The following TMC1 variants were observed in gnomAD, a reference collection of about 807,000 sequenced individuals.
TMC1 encodes transmembrane channel like 1.
TMC1 carries 84 observed loss-of-function variants against 105.8 expected under a neutral mutation model. The ratio of observed to expected loss-of-function variants is 0.79; its 90% CI spans 0.67 to 0.95. TMC1 has a LOEUF of 0.95. Among genes scored for constraint, TMC1 ranks in the 40% least tolerant of loss-of-function variants. TMC1 has a pLI of 0.00. For missense variants in TMC1, 817 were observed against 914.1 expected, an observed-to-expected ratio of 0.89 and a Z score of 1.37; for synonymous variants, 315 against 311.5, an observed-to-expected ratio of 1.01 and a Z score of -0.12.
chr9:72,542,595 A>AG (rs926900863), intron 1 of TMC1, among the ~76,000 whole-genome samples: 67 of 151,198 alleles, frequency 4.4e-4, no homozygotes, highest in Admixed American at 4.1e-3. Context: ...GCTCCAGCCT[A>AG]GGGGGGAGAA....
At chr9:72,550,012 T>G (rs1823834708) in intron 1 of TMC1, among the ~76,000 whole-genome samples, 1 of 151,442 alleles carries the variant, frequency 6.6e-6, no homozygotes, top group Non-Finnish European at 1.5e-5. Flanking sequence ...CTTCCCAAAG[T>G]GCTAGGATTA....
rs757941226 is a variant in TMC1 at position 72,826,967 on chromosome 9, T to A, written c.2102T>A (p.Leu701Gln). 1.2e-6 allele frequency: 2 copies of A among 1,614,120 alleles called. No homozygotes were observed. Among genetic ancestry groups the A allele is most frequent in the Non-Finnish European group, 1.7e-6 (2 of 1,179,946 alleles). Residue 701 changes from leucine (L) to glutamine (Q), a missense_variant, in exon 21 of 24, where the codon CTG (leucine) becomes CAG (glutamine). Physicochemically the swap from Leu to Gln is moderately radical, Grantham distance 113 (BLOSUM62 -2). Coordinates refer to ENST00000297784, the MANE Select transcript of TMC1 (RefSeq NM_138691.3). ...KILRQLSNPG[L>Q]VIAVILVMVL... Reference sequence around the variant, plus strand: ...TTGAGACAGCTTTCAAACCCTGGGCTGGTCATTGCTGTCATTTTGGTGATG... The same window carrying A: ...TTGAGACAGCTTTCAAACCCTGGGCAGGTCATTGCTGTCATTTTGGTGATG...
At chr9:72,818,138 T>G (rs911854605) in intron 19 of TMC1, among the ~76,000 whole-genome samples, 11 of 152,318 alleles carry the variant, frequency 7.2e-5, no homozygotes, top group Non-Finnish European at 1.2e-4. Flanking sequence ...AATCGTTCCA[T>G]TATTTTATGA....
intron 1 of TMC1, among the ~76,000 whole-genome samples, chr9:72,528,691 A>G (rs1823447499): frequency 6.6e-6 from 1 of 152,052 alleles, no homozygotes; most frequent in Non-Finnish European, 1.5e-5. Flanking sequence ...ATCCTCCTGA[A>G]GGTTCTGAAT....
At chr9:72,615,878 T>C (rs1317466825) in intron 2 of TMC1, among the ~76,000 whole-genome samples, 1 of 151,946 alleles carries the variant, frequency 6.6e-6, no homozygotes, top group Non-Finnish European at 1.5e-5. Flanking sequence ...CTTAGCCTCC[T>C]GAGTAGCTGG....
intron 5 of TMC1, among the ~76,000 whole-genome samples, chr9:72,649,222 G>A (rs1825762907): frequency 6.6e-6 from 1 of 152,102 alleles, no homozygotes; most frequent in Non-Finnish European, 1.5e-5. Context: ...CTTGCCATAG[G>A]GTGCATTTTC....
intron 1 of TMC1, among the ~76,000 whole-genome samples, chr9:72,536,680 C>A (rs932046380): frequency 5.3e-5 from 8 of 152,146 alleles, no homozygotes; most frequent in African/African-American, 1.7e-4. Flanking sequence ...ATTCCATATA[C>A]CACATCCTGG....
intron 12 of TMC1, among the ~76,000 whole-genome samples, chr9:72,767,995 A>G (rs1827865663): frequency 6.6e-6 from 1 of 152,204 alleles, no homozygotes; most frequent in Admixed American, 6.5e-5. Flanking sequence ...ATCCCTCAAT[A>G]TGCTACAAAG....
chr9:72,680,285 C>T (rs1018032426), intron 5 of TMC1, among the ~76,000 whole-genome samples: 6 of 151,882 alleles, frequency 4.0e-5, no homozygotes, highest in Non-Finnish European at 7.4e-5. Flanking sequence ...TATTACATGC[C>T]ATATACAAAT....
chr9:72,581,251 A>C (rs1824469433), intron 2 of TMC1, among the ~76,000 whole-genome samples: 1 of 152,192 alleles, frequency 6.6e-6, no homozygotes, highest in African/African-American at 2.4e-5. Context: ...GTTGACAAGG[A>C]AAACTTAATT....
At chr9:72,686,232 A>G (rs139153341) in intron 5 of TMC1, among the ~76,000 whole-genome samples, 1,569 of 152,178 alleles carry the variant, frequency 0.01, 53 homozygotes, top group Admixed American at 0.07. Flanking sequence ...CCAGGAGACA[A>G]GGTTATTTTT....
rs577706420 is a variant in TMC1, at chr9:72,591,689, G to C, written c.-306+13666G>C. Among the ~76,000 whole-genome samples the C allele has an allele frequency of 7.2e-5, 11 of 152,210 alleles. 1 individual carries two copies. In the South Asian group the frequency reaches 1.9e-3, roughly 26 times the overall value. On this transcript the variant is annotated intron_variant, in intron 2 of 23. Transcript: ENST00000297784. ...AGGCTCAAGCAATCCTGCCACTTCA[G>C]CTTCCTGAGTAGCTGGGACTACAGG... is the stretch of plus-strand genomic sequence containing the variant.
chr9:72,805,436 A>T lies in TMC1; in HGVS notation c.1621A>T (p.Ile541Phe). Residue 541 changes from isoleucine (I) to phenylalanine (F), a missense_variant, in exon 18 of 24, where the codon ATT becomes TTT. Physicochemically the swap from Ile to Phe is conservative, Grantham distance 21. Transcript: ENST00000297784. ...TCTGACCACCTACGTCACAATCCTC[A>T]TTGGGGACTTTCTAAGGGCATGTTT... Reference protein sequence around the residue: ...DVLTTYVTILIGDFLRACFVR... With the variant: ...DVLTTYVTILFGDFLRACFVR... 6.2e-7 allele frequency: 1 copy of T among 1,613,382 alleles called. No homozygotes were observed. The highest frequency in any genetic ancestry group is 8.5e-7 in the Non-Finnish European group (1 of 1,179,842).
rs774279174 is a variant in TMC1 at position 72,772,410 on chromosome 9, C to T, written c.742-3C>T. ...GCTAAGTGGCTTTGTTGTTGGATTT[C>T]AGGGTTTGGCACAATATTCCGTTCT... On this transcript the variant is annotated splice_polypyrimidine_tract_variant and splice_region_variant and intron_variant, in intron 12 of 23. Transcript: ENST00000297784. The T allele has an allele frequency of 1.2e-6, 2 of 1,613,708 alleles. No homozygotes were observed. Among genetic ancestry groups the T allele is most frequent in the South Asian group, 2.2e-5 (2 of 91,072 alleles).
chr9:72,751,663 A>G (rs1228542688), intron 10 of TMC1, among the ~76,000 whole-genome samples, 187 bp from the exon 11 acceptor site: 1 of 152,218 alleles, frequency 6.6e-6, no homozygotes, highest in Admixed American at 6.5e-5. Context: ...ATGACAGGGA[A>G]TGCTTCCATC....
At chr9:72,828,724 C>T (rs1270360597) in intron 21 of TMC1, among the ~76,000 whole-genome samples, 1 of 152,162 alleles carries the variant, frequency 6.6e-6, no homozygotes, top group Non-Finnish European at 1.5e-5. Context: ...AACTGAAACT[C>T]ATGTCTTCTC....
At chr9:72,736,073 G>C (rs958185840) in intron 8 of TMC1, among the ~76,000 whole-genome samples, 8 of 152,094 alleles carry the variant, frequency 5.3e-5, no homozygotes, top group Non-Finnish European at 1.0e-4. Flanking sequence ...TCATACCTGA[G>C]ATTATGTAAT....
At chr9:72,546,165 T>C (rs1823765762) in intron 1 of TMC1, among the ~76,000 whole-genome samples, 1 of 150,968 alleles carries the variant, frequency 6.6e-6, no homozygotes, top group African/African-American at 2.4e-5. Flanking sequence ...TGGTGGTGCA[T>C]GTCTGTAATC....
At chr9:72,809,327 C>G (rs759402170) in intron 18 of TMC1, among the ~76,000 whole-genome samples, 1 of 152,070 alleles carries the variant, frequency 6.6e-6, no homozygotes, top group Non-Finnish European at 1.5e-5. Context: ...GTAGAAAGTA[C>G]AGGAAAAAAG....
Sources: allele counts gnomAD v4.1 joint callset (sites outside exome capture counted in the v4.1 genomes callset), GRCh38; gene constraint gnomAD v4.1.1; transcripts MANE v1.5; gene names NCBI Gene and HGNC (gene_info 2026-07-23, HGNC 2026-07-21).